The following DOP1B variants were observed in gnomAD, a reference collection of about 807,000 sequenced individuals.
DOP1B encodes the protein DOP1 leucine zipper like protein B.
In DOP1B, 174 loss-of-function variants were observed where a neutral mutation model predicts 233.5. The ratio of observed to expected loss-of-function variants is 0.75; its 90% CI spans 0.66 to 0.85. DOP1B has a LOEUF of 0.85. DOP1B is among the 40% of genes least tolerant of loss of function. DOP1B has a pLI of 0.00. For synonymous variants in DOP1B, 1,190 were observed against 1,185.6 expected (o/e 1.00, Z -0.08); for missense variants, 2,652 against 2,846.6 (o/e 0.93, Z 1.56).
Position 36,248,532 on chromosome 21 carries a change from G to A in DOP1B, c.4962G>A (p.Thr1654=), listed in dbSNP as rs774301267. The change falls in exon 21 of 37, where the codon ACG becomes ACA. Residue 1654 remains threonine, a synonymous_variant. Transcript: ENST00000691173. ...QKRPVDLLGA[T]KGSSSVYFKT... ...GACCTGTCGATCTCCTAGGGGCCAC[G>A]AAGGGATCCTCTTCCGTTTACTTTA... 108 of 1,612,062 alleles carry A rather than the reference G, an allele frequency of 6.7e-5. No individual in the cohort carries two copies. Among genetic ancestry groups the A allele is most frequent in the Non-Finnish European group, 8.9e-5 (105 of 1,179,482 alleles).
chr21:36,227,940 G>C, intron 13 of DOP1B, 63 bp downstream of exon 13: 4 of 1,435,428 alleles, frequency 2.8e-6, no homozygotes, highest in Non-Finnish European at 3.7e-6. Context: ...CTTCCTGGGA[G>C]TAGAAAGTCT....
At chr21:36,203,012 G>A (rs1171893913) in intron 4 of DOP1B, among the ~76,000 whole-genome samples, 2 of 152,224 alleles carry the variant, frequency 1.3e-5, no homozygotes, top group Non-Finnish European at 2.9e-5. Context: ...GTTCCCTAAA[G>A]CTTACTGTGA....
chr21:36,271,538 C>G (rs916845958), intron 27 of DOP1B, among the ~76,000 whole-genome samples: 4 of 152,150 alleles, frequency 2.6e-5, no homozygotes, highest in Non-Finnish European at 1.5e-5. Context: ...TCCCAAAGTG[C>G]TGGTATTACA....
intron 13 of DOP1B, 21 bp downstream of exon 13, chr21:36,227,898 A>C: frequency 6.4e-6 from 10 of 1,554,466 alleles, no homozygotes; most frequent in Non-Finnish European, 8.7e-6. Flanking sequence ...TGAGGGGCAG[A>C]AATGGTTCTG....
intron 26 of DOP1B, among the ~76,000 whole-genome samples, chr21:36,267,762 G>A (rs534805474): frequency 6.6e-6 from 1 of 151,688 alleles, no homozygotes; most frequent in South Asian, 2.1e-4. Context: ...ATAAAGAGAG[G>A]AATGTTACAG....
intron 23 of DOP1B, among the ~76,000 whole-genome samples, chr21:36,259,735 T>C (rs2067147884): frequency 6.6e-6 from 1 of 152,170 alleles, no homozygotes; most frequent in Non-Finnish European, 1.5e-5. Context: ...TTAGGTTGTA[T>C]TCCTTCACAT....
intron 32 of DOP1B, among the ~76,000 whole-genome samples, chr21:36,284,941 ATAT>A (rs1457943428): frequency 2.0e-5 from 3 of 150,314 alleles, no homozygotes; most frequent in South Asian, 2.1e-4. Flanking sequence ...GTAATATTAA[ATAT>A]TATACTATAT....
At chr21:36,176,284 TC>T (rs2066029390) in intron 2 of DOP1B, among the ~76,000 whole-genome samples, 1 of 151,930 alleles carries the variant, frequency 6.6e-6, no homozygotes, top group African/African-American at 2.4e-5. Flanking sequence ...TCAGCCTTCC[TC>T]CCCCACTGGA....
intron 1 of DOP1B, among the ~76,000 whole-genome samples, chr21:36,158,068 G>A (rs2065836070): frequency 6.6e-6 from 1 of 151,814 alleles, no homozygotes; most frequent in Non-Finnish European, 1.5e-5. Flanking sequence ...TAAAGTGCTG[G>A]GATTACAGGT....
intron 32 of DOP1B, among the ~76,000 whole-genome samples, chr21:36,284,228 G>T (rs1238308548): frequency 6.7e-6 from 1 of 148,810 alleles, no homozygotes; most frequent in Non-Finnish European, 1.5e-5. Flanking sequence ...GGGATTACAG[G>T]CATGAGCCAC....
intron 5 of DOP1B, 102 bp from the exon 6 acceptor site, chr21:36,211,451 T>G (rs2066497350): frequency 9.6e-7 from 1 of 1,039,120 alleles, no homozygotes; most frequent in African/African-American, 1.6e-5. Context: ...CTCTTCTGAG[T>G]GATATAACGC....
intron 1 of DOP1B, among the ~76,000 whole-genome samples, chr21:36,160,360 C>CT (rs2065858273): frequency 1.3e-5 from 2 of 151,830 alleles, no homozygotes; most frequent in African/African-American, 4.8e-5. Context: ...CAGAGAGGCA[C>CT]GCATATGCAG....
intron 2 of DOP1B, among the ~76,000 whole-genome samples, chr21:36,180,148 C>T (rs8130160): frequency 1.2e-4 from 18 of 149,426 alleles, no homozygotes; most frequent in Non-Finnish European, 2.4e-4. Flanking sequence ...TAAAAAAAAA[C>T]TAGAGGGGGT....
intron 8 of DOP1B, 54 bp from the exon 9 acceptor site, chr21:36,214,388 T>G: frequency 6.5e-7 from 1 of 1,535,304 alleles, no homozygotes; most frequent in Non-Finnish European, 8.9e-7. Flanking sequence ...CCAGTAATGT[T>G]GTTACACTTT....
chr21:36,246,427 A>C lies in DOP1B; in HGVS notation c.4447A>C (p.Ser1483Arg). 1 of 1,613,496 alleles carries C rather than the reference A, an allele frequency of 6.2e-7. No homozygotes were observed. Among genetic ancestry groups the C allele is most frequent in the Non-Finnish European group, 8.5e-7 (1 of 1,179,802 alleles). ...AGCCCTGAACTTCCAGCAGGCCATC[A>C]GCGCCCTGCAGTACGTGCAGCCCCA... ...QRALNFQQAI[S>R]ALQYVQPHPL... Residue 1483 changes from serine (S) to arginine (R), a missense_variant, in exon 19 of 37, where the codon AGC (serine) becomes CGC (arginine). Physicochemically the swap from Ser to Arg is moderately radical, Grantham distance 110 (BLOSUM62 -1). Coordinates refer to ENST00000691173, the MANE Select transcript of DOP1B (RefSeq NM_001320714.2). The surrounding 1 kb of genome is among the most constrained non-coding windows in gnomAD (Gnocchi z 5.1).
chr21:36,235,964 A>G (rs2066821308), intron 15 of DOP1B, among the ~76,000 whole-genome samples: 1 of 152,118 alleles, frequency 6.6e-6, no homozygotes, highest in Non-Finnish European at 1.5e-5. Context: ...GTAACAAAAT[A>G]ATGGTTAGGA....
chr21:36,259,870 GTTAA>G (rs2067148686), intron 23 of DOP1B, among the ~76,000 whole-genome samples: 1 of 152,164 alleles, frequency 6.6e-6, no homozygotes, highest in Non-Finnish European at 1.5e-5. Context: ...GGTTAGTTTA[GTTAA>G]TTAATAGCTG....
chr21:36,269,262 T>G (rs2067260940), intron 26 of DOP1B, among the ~76,000 whole-genome samples: 1 of 151,476 alleles, frequency 6.6e-6, no homozygotes, highest in Admixed American at 6.6e-5. Flanking sequence ...TTCAAGTGTT[T>G]CTCTTGCCTC....
chr21:36,182,082 C>T (rs576612132), intron 2 of DOP1B, among the ~76,000 whole-genome samples: 73 of 152,250 alleles, frequency 4.8e-4, no homozygotes, highest in African/African-American at 1.7e-3. Flanking sequence ...TGTACTTAGG[C>T]TAGATTTTCC....
Sources: allele counts gnomAD v4.1 joint callset (sites outside exome capture counted in the v4.1 genomes callset), GRCh38; gene constraint gnomAD v4.1.1; non-coding constraint Gnocchi (gnomAD v3.1); transcripts MANE v1.5; gene names NCBI Gene and HGNC (gene_info 2026-07-23, HGNC 2026-07-21).